TRPC3: variants seen among roughly 807,000 people sequenced by gnomAD.
TRPC3 encodes the protein transient receptor potential cation channel subfamily C member 3.
TRPC3 carries 54 observed loss-of-function variants against 90.9 expected under a neutral mutation model. That is an observed-to-expected ratio of 0.59 (90% confidence interval 0.48 to 0.75). TRPC3 has a LOEUF of 0.75. Ranked by LOEUF, TRPC3 falls within the 30% of genes least tolerant of loss-of-function variation. The probability of loss-of-function intolerance (pLI) is 0.00; values close to 1 mark genes in which losing one functional copy is unlikely to be tolerated. For synonymous variants in TRPC3, 424 were observed against 450.9 expected (o/e 0.94, Z 0.75); for missense variants, 918 against 1,194.5 (o/e 0.77, Z 3.41).
chr4:121,904,249 G>C, intron 8 of TRPC3, 73 bp downstream of exon 8: 1 of 1,365,874 alleles, frequency 7.3e-7, no homozygotes, highest in East Asian at 2.5e-5. Context: ...CTCAGCCACA[G>C]GGTACAGAAG....
rs1410846447 is a variant in TRPC3 at position 121,875,907 on chromosome 4, T to G, written c.*3829A>C. On this transcript the variant is annotated 3_prime_UTR_variant, in exon 12 of 12. Transcript: ENST00000379645. ...ATTTTAGATTTTTTTTTTTTTTTTTTTTTTTTTTTGTGGGGGGTGGTTCAC... is the reference window on the plus strand; with the variant it reads ...ATTTTAGATTTTTTTTTTTTTTTTTGTTTTTTTTTGTGGGGGGTGGTTCAC... Among the ~76,000 whole-genome samples the G allele has an allele frequency of 1.4e-5, 2 of 138,708 alleles. No homozygotes were observed. Among genetic ancestry groups the G allele is most frequent in the African/African-American group, 5.8e-5 (2 of 34,312 alleles). 91.0% of individuals were successfully genotyped at this position (138,708 alleles called of 152,430 possible).
At chr4:121,884,184 A>G (rs1728032826) in intron 10 of TRPC3, among the ~76,000 whole-genome samples, 1 of 152,230 alleles carries the variant, frequency 6.6e-6, no homozygotes, top group Non-Finnish European at 1.5e-5. Flanking sequence ...AGAAGACCAC[A>G]GAGTATGAAG....
At chr4:121,886,257 C>T (rs143524048) in intron 10 of TRPC3, among the ~76,000 whole-genome samples, 1 of 152,114 alleles carries the variant, frequency 6.6e-6, no homozygotes, top group Non-Finnish European at 1.5e-5. Context: ...TACATTCATT[C>T]TCTCACTTAA....
In TRPC3 at chr4:121,876,039, C is replaced by T. The variant is rs1471735652; in HGVS notation, c.*3697G>A. On this transcript the variant is annotated 3_prime_UTR_variant, in exon 12 of 12. Coordinates refer to ENST00000379645, the MANE Select transcript of TRPC3 (RefSeq NM_001130698.2). The stretch of plus-strand genomic sequence containing the variant: ...CCAGCCTCCTGAGTAACTGGAACCA[C>T]AGACACATGCCACCATGCCCGGCTA... Among the ~76,000 whole-genome samples, 3 of 151,812 alleles carry T rather than the reference C, an allele frequency of 2.0e-5. No individual in the cohort carries two copies. Among genetic ancestry groups the T allele is most frequent in the Non-Finnish European group, 2.9e-5 (2 of 67,952 alleles).
At chr4:121,933,160 C>T in intron 1 of TRPC3, 118 bp from the exon 2 acceptor site, 6 of 1,406,274 alleles carry the variant, frequency 4.3e-6, no homozygotes, top group Non-Finnish European at 5.6e-6. Context: ...CTGCAGGGGT[C>T]GGCTCAGTTG....
At chr4:121,926,353 G>A (rs1368073549) in intron 2 of TRPC3, among the ~76,000 whole-genome samples, 3 of 151,078 alleles carry the variant, frequency 2.0e-5, no homozygotes, top group South Asian at 2.1e-4. Flanking sequence ...CATGTCACTT[G>A]TATTTCCACT....
intron 1 of TRPC3, among the ~76,000 whole-genome samples, chr4:121,949,994 A>G (rs1730629679): frequency 6.6e-6 from 1 of 152,264 alleles, no homozygotes; most frequent in African/African-American, 2.4e-5. Context: ...CAGCTACGTT[A>G]TAAAAACCAA....
chr4:121,894,051 T>C (rs1728425418), intron 10 of TRPC3, among the ~76,000 whole-genome samples: 1 of 152,126 alleles, frequency 6.6e-6, no homozygotes, highest in Non-Finnish European at 1.5e-5. Context: ...AAAATTCAAA[T>C]ATACTTTAAC....
Position 121,932,572 on chromosome 4 carries a change from C to A in TRPC3, c.686G>T (p.Arg229Leu), listed in dbSNP as rs1729979577. The change falls in exon 2 of 12, where the codon CGC becomes CTC. Residue 229 changes from arginine (R) to leucine (L), a missense_variant. Physicochemically the swap from Arg to Leu is moderately radical, Grantham distance 102. Around this residue, in one of 4 missense-constraint regions of TRPC3, gnomAD observed 609 missense variants for 725.9 expected, o/e 0.84. Transcript: ENST00000379645. The surrounding 1 kb of genome is among the most constrained non-coding windows in gnomAD (Gnocchi z 7.7). ...GATGGGGGTGATGTCCGGCGAGAAGCGCGTGCCGTCCTCGTCGTAAGCGTA... is the reference window on the plus strand; with the variant it reads ...GATGGGGGTGATGTCCGGCGAGAAGAGCGTGCCGTCCTCGTCGTAAGCGTA... ...DFYAYDEDGT[R>L]FSPDITPIIL... The A allele has an allele frequency of 1.9e-6, 3 of 1,614,226 alleles. No homozygotes were observed. Among genetic ancestry groups the A allele is most frequent in the Non-Finnish European group, 2.5e-6 (3 of 1,180,036 alleles).
At position 121,912,915 on chromosome 4, in the gene TRPC3, G is replaced by T. The variant is rs867111275; in HGVS notation, c.1342-822C>A. On this transcript the variant is annotated intron_variant, in intron 4 of 11. Coordinates refer to ENST00000379645, the MANE Select transcript of TRPC3 (RefSeq NM_001130698.2). ...AGGGCCCCCACAGTCCAAGAATTAG[G>T]TACATTTGGTAGATTTATCAAGTAT... 1.3e-4 allele frequency among the ~76,000 whole-genome samples: 20 copies of T among 152,280 alleles called. 2 individuals are homozygous for T. The highest frequency in any genetic ancestry group is 1.2e-3 in the South Asian group (6 of 4,818).
At chr4:121,921,559 C>T (rs775375661) in intron 3 of TRPC3, among the ~76,000 whole-genome samples, 10 of 148,510 alleles carry the variant, frequency 6.7e-5, no homozygotes, top group Non-Finnish European at 1.5e-4. Flanking sequence ...TCCTGAGTCT[C>T]ATATGCGGCC....
At chr4:121,914,559 G>A (rs563673976) in intron 4 of TRPC3, among the ~76,000 whole-genome samples, 19 of 152,090 alleles carry the variant, frequency 1.2e-4, no homozygotes, top group African/African-American at 4.6e-4. Flanking sequence ...AAAAGCCTAA[G>A]TACTTTATGC....
chr4:121,949,673 C>T (rs1231992335), intron 1 of TRPC3, among the ~76,000 whole-genome samples: 1 of 152,190 alleles, frequency 6.6e-6, no homozygotes, highest in African/African-American at 2.4e-5. Context: ...CTAGAAGAAA[C>T]GTTTTTAATG....
At chr4:121,908,275 T>A (rs1304673988) in intron 6 of TRPC3, among the ~76,000 whole-genome samples, 1 of 152,186 alleles carries the variant, frequency 6.6e-6, no homozygotes, top group Non-Finnish European at 1.5e-5. Flanking sequence ...ACAACAAAAC[T>A]TAACATTTGT....
Position 121,911,963 on chromosome 4 carries a change from G to A in TRPC3, c.1472C>T (p.Thr491Ile), listed in dbSNP as rs760934358. The A allele has an allele frequency of 7.4e-6, 12 of 1,613,830 alleles. No individual in the cohort carries two copies. In the Admixed American group the frequency reaches 1.7e-4, roughly 22 times the overall value. Residue 491 changes from threonine to isoleucine, a missense_variant, in exon 5 of 12, where the codon ACA (threonine) becomes ATA (isoleucine). By Grantham distance (89) the Thr-to-Ile change is moderately conservative (BLOSUM62 -1). Transcript: ENST00000379645. Reference protein sequence around the residue: ...FEGITTLPNITVTDYPKQIFR... With the variant: ...FEGITTLPNIIVTDYPKQIFR... ...GATCTGTTTGGGATAGTCAGTAACT[G>A]TGATATTGGGCAGCGTGGTGATGCC...
At chr4:121,944,681 G>A (rs564021357) in intron 1 of TRPC3, among the ~76,000 whole-genome samples, 8 of 152,104 alleles carry the variant, frequency 5.3e-5, no homozygotes, top group African/African-American at 9.6e-5. Flanking sequence ...TGTGCTTTGC[G>A]ATAACCTTTT....
At chr4:121,908,529 T>C (rs1461524252) in intron 6 of TRPC3, among the ~76,000 whole-genome samples, 2 of 152,134 alleles carry the variant, frequency 1.3e-5, no homozygotes, top group Non-Finnish European at 2.9e-5. Context: ...ATATACTCCA[T>C]GGAATACTAT....
chr4:121,922,036 A>G (rs757956527), intron 3 of TRPC3, among the ~76,000 whole-genome samples: 26 of 150,062 alleles, frequency 1.7e-4, no homozygotes, highest in Admixed American at 6.7e-4. Flanking sequence ...CTCCTGCCTC[A>G]GCCTCCCTAG....
chr4:121,936,795 G>T (rs1033109422), intron 1 of TRPC3, among the ~76,000 whole-genome samples: 10 of 152,096 alleles, frequency 6.6e-5, no homozygotes, highest in Non-Finnish European at 1.0e-4. Flanking sequence ...TGCTGGCACC[G>T]ATTTCAGACT....
Sources: gnomAD v4.1 joint callset for allele counts (sites outside exome capture counted in the v4.1 genomes callset) on GRCh38, gnomAD v4.1.1 for gene constraint, gnomAD v4.1.1 regional missense constraint, Gnocchi (gnomAD v3.1) non-coding constraint, MANE v1.5 for transcripts, NCBI Gene and HGNC (gene_info 2026-07-23, HGNC 2026-07-21) for gene names.